The following RIMS2 variants were observed in gnomAD, a reference collection of about 807,000 sequenced individuals.
The protein encoded by RIMS2 is regulating synaptic membrane exocytosis protein 2.
RIMS2 carries 59 observed loss-of-function variants against 174.4 expected under a neutral mutation model. The observed-to-expected ratio is 0.34, with a 90% CI of 0.27 to 0.42. The LOEUF (loss-of-function observed/expected upper bound fraction) is 0.42, where lower values mean the gene tolerates loss of function less well. Ranked by LOEUF, RIMS2 falls within the 10% of genes least tolerant of loss-of-function variation. RIMS2 has a pLI of 1.00. For missense variants in RIMS2, 1,620 were observed against 1,666.3 expected (o/e 0.97, Z 0.48); for synonymous variants, 606 against 572.5 (o/e 1.06, Z -0.84).
At chr8:104,013,689 A>T (rs2095826432) in intron 18 of RIMS2, 68 bp downstream of exon 20, 1 of 1,305,676 alleles carries the variant, frequency 7.7e-7, no homozygotes, top group Non-Finnish European at 1.1e-6. Context: ...TTTTCCCAAC[A>T]GTTAACTGGT....
At chr8:104,043,404 C>G (rs1262954676) in intron 19 of RIMS2, among the ~76,000 whole-genome samples, 2 of 151,404 alleles carry the variant, frequency 1.3e-5, no homozygotes, top group African/African-American at 4.8e-5. Context: ...TAGCACACTT[C>G]GGATGTAGTA....
At chr8:103,988,916 G>T (rs924312438) in intron 16 of RIMS2, among the ~76,000 whole-genome samples, 1 of 152,100 alleles carries the variant, frequency 6.6e-6, no homozygotes, top group Admixed American at 6.5e-5. Context: ...AATCCTATAG[G>T]TCATGTATGC....
intron 3 of RIMS2, among the ~76,000 whole-genome samples, chr8:103,830,249 C>T (rs2098817235): frequency 6.6e-6 from 1 of 151,972 alleles, no homozygotes; most frequent in Non-Finnish European, 1.5e-5. Flanking sequence ...TTAATTACTC[C>T]TTTTCTTCTA....
At chr8:103,810,267 T>A (rs887833693) in intron 3 of RIMS2, among the ~76,000 whole-genome samples, 4 of 152,110 alleles carry the variant, frequency 2.6e-5, no homozygotes, top group Admixed American at 2.6e-4. Context: ...TTAGTTCTAG[T>A]GGCCTCCTGG....
chr8:104,006,143 T>A (rs1478768459), intron 17 of RIMS2, among the ~76,000 whole-genome samples: 1 of 152,142 alleles, frequency 6.6e-6, no homozygotes, highest in Non-Finnish European at 1.5e-5. Context: ...CTCTAGCCTA[T>A]CTTAGTTTCT....
At chr8:103,827,803 C>T (rs2098800903) in intron 3 of RIMS2, among the ~76,000 whole-genome samples, 1 of 151,842 alleles carries the variant, frequency 6.6e-6, no homozygotes, top group Non-Finnish European at 1.5e-5. Context: ...CCACTGTACT[C>T]CACCAGCCTG....
chr8:103,875,941 A>G (rs902901749), intron 3 of RIMS2, among the ~76,000 whole-genome samples: 5 of 151,730 alleles, frequency 3.3e-5, no homozygotes, highest in African/African-American at 1.2e-4. Flanking sequence ...TTGTTTGTCT[A>G]CTTTTAGTGG....
chr8:103,904,379 G>A (rs1242030820), intron 4 of RIMS2, among the ~76,000 whole-genome samples: 1 of 151,868 alleles, frequency 6.6e-6, no homozygotes, highest in Non-Finnish European at 1.5e-5. Flanking sequence ...TATCTTCTTT[G>A]GTGAAATTTC....
chr8:104,210,567 A>G (rs1302737439), intron 19 of RIMS2, among the ~76,000 whole-genome samples: 1 of 152,168 alleles, frequency 6.6e-6, no homozygotes, highest in Non-Finnish European at 1.5e-5. Context: ...TGATCTCTAC[A>G]TACACATATC....
intron 3 of RIMS2, chr8:103,880,806 G>A (rs2099163773): frequency 8.0e-6 from 3 of 374,494 alleles, no homozygotes; most frequent in Non-Finnish European, 4.7e-6. Flanking sequence ...TTATAGAAAC[G>A]GGCCTTTGTT....
rs559248793 is a variant in RIMS2 at position 103,841,920 on chromosome 8, A to C, written c.699-43378A>C. On this transcript the variant is annotated intron_variant, in intron 3 of 23. Coordinates refer to ENST00000504942, the Ensembl canonical transcript of RIMS2. ...CAGTGAGCCAAGATCCTGCCACTGC[A>C]CTCCAGCTTGGGCGACAAAGCGAGA... Among the ~76,000 whole-genome samples the C allele has an allele frequency of 3.3e-5, 5 of 152,184 alleles. No individual in the cohort carries two copies. In the East Asian group the frequency reaches 9.7e-4, roughly 29 times the overall value.
At chr8:103,762,748 T>C (rs1257080149) in intron 2 of RIMS2, among the ~76,000 whole-genome samples, 1 of 152,176 alleles carries the variant, frequency 6.6e-6, no homozygotes, top group African/African-American at 2.4e-5. Context: ...TTTGTCATGC[T>C]AACATCATGG....
intron 19 of RIMS2, among the ~76,000 whole-genome samples, chr8:104,217,271 T>C (rs2099134428): frequency 7.6e-6 from 1 of 131,418 alleles, no homozygotes; most frequent in East Asian, 2.1e-4. Flanking sequence ...TGTTTTTTTG[T>C]TTTTTTGTTT....
intron 3 of RIMS2, among the ~76,000 whole-genome samples, chr8:103,858,685 G>GTA (rs999131460): frequency 9.7e-5 from 14 of 144,562 alleles, no homozygotes; most frequent in Admixed American, 1.4e-4. Context: ...ACGTGTGTGT[G>GTA]TATATATATA....
At position 103,506,295 on chromosome 8, in the gene RIMS2, T is replaced by C. The variant is rs558539866; in HGVS notation, c.176+5233T>C. ...GAAATAAGGGCAATTAAATAATATCTTCCTCTTGACAATAGATTTTGATAA... is the reference window on the plus strand; with the variant it reads ...GAAATAAGGGCAATTAAATAATATCCTCCTCTTGACAATAGATTTTGATAA... On this transcript the variant is annotated intron_variant, in intron 1 of 23. Coordinates refer to ENST00000504942, the Ensembl canonical transcript of RIMS2. 3.3e-5 allele frequency among the ~76,000 whole-genome samples: 5 copies of C among 152,228 alleles called. No individual in the cohort carries two copies. The South Asian group carries it at 1.0e-3, about 32-fold the overall frequency.
intron 4 of RIMS2, among the ~76,000 whole-genome samples, chr8:103,899,986 A>C (rs932892318): frequency 1.3e-5 from 2 of 151,634 alleles, no homozygotes; most frequent in African/African-American, 2.4e-5. Flanking sequence ...AATCCTTTCC[A>C]CATTTCTTGT....
chr8:103,912,577 G>A (rs953671669), intron 6 of RIMS2, among the ~76,000 whole-genome samples: 4 of 151,980 alleles, frequency 2.6e-5, no homozygotes, highest in African/African-American at 7.2e-5. Context: ...TATGTATATT[G>A]CATATGTGTA....
chr8:103,945,976 G>A (rs2083648291), intron 14 of RIMS2, among the ~76,000 whole-genome samples: 1 of 152,098 alleles, frequency 6.6e-6, no homozygotes, highest in Non-Finnish European at 1.5e-5. Context: ...AGAGATTGTA[G>A]TTAGGACAGT....
intron 19 of RIMS2, among the ~76,000 whole-genome samples, chr8:104,181,895 C>A (rs371015275): frequency 6.6e-6 from 1 of 151,574 alleles, no homozygotes; most frequent in Non-Finnish European, 1.5e-5. Flanking sequence ...GTTAATGATG[C>A]ATTTTTTACA....
Sources: gnomAD v4.1 joint callset for allele counts (sites outside exome capture counted in the v4.1 genomes callset) on GRCh38, gnomAD v4.1.1 for gene constraint, MANE v1.5 for transcripts, NCBI Gene and HGNC (gene_info 2026-07-23, HGNC 2026-07-21) for gene names.